Variants in SRFBP1 observed in about 807,000 individuals in gnomAD.
SRFBP1 encodes serum response factor-binding protein 1.
A neutral mutation model predicts 45.5 loss-of-function variants in SRFBP1; 47 were observed. The ratio of observed to expected loss-of-function variants is 1.03; its 90% CI spans 0.82 to 1.32. The LOEUF (loss-of-function observed/expected upper bound fraction) is 1.32, where lower values mean the gene tolerates loss of function less well. SRFBP1 is among the 40% of genes most tolerant of loss of function. The pLI, the probability that SRFBP1 is intolerant of heterozygous loss-of-function variation, is 0.00. For missense variants in SRFBP1, 621 were observed against 484.6 expected, an observed-to-expected ratio of 1.28 and a Z score of -2.64; for synonymous variants, 203 against 166.3, an observed-to-expected ratio of 1.22 and a Z score of -1.70.
intron 7 of SRFBP1, among the ~76,000 whole-genome samples, chr5:122,024,053 G>A (rs982184021): frequency 6.6e-6 from 1 of 152,198 alleles, no homozygotes; most frequent in African/African-American, 2.4e-5. Flanking sequence ...TAGACTTACA[G>A]GTTACTGTTT....
intron 4 of SRFBP1, among the ~76,000 whole-genome samples, chr5:122,012,502 G>A (rs1205032810): frequency 1.3e-5 from 2 of 151,976 alleles, no homozygotes; most frequent in African/African-American, 4.8e-5. Context: ...ATGTTAATAA[G>A]TTTTTCATTT....
At chr5:122,015,542 A>G (rs1753178853) in intron 4 of SRFBP1, among the ~76,000 whole-genome samples, 2 of 152,222 alleles carry the variant, frequency 1.3e-5, no homozygotes, top group African/African-American at 2.4e-5. Flanking sequence ...TGTCACAACT[A>G]CTTCGCTTTA....
At chr5:122,075,279 T>A in intron 2 of SRFBP1, 3 of 857,620 alleles carry the variant, frequency 3.5e-6, no homozygotes, top group Non-Finnish European at 5.3e-6. Flanking sequence ...TAGAGAAAAA[T>A]TCTAAATATA....
chr5:121,971,986 G>A (rs748720116), intron 1 of SRFBP1, among the ~76,000 whole-genome samples: 2 of 151,878 alleles, frequency 1.3e-5, no homozygotes, highest in Non-Finnish European at 2.9e-5. Flanking sequence ...GAGTTTGGAC[G>A]TCTCTTTCTA....
downstream of SRFBP1, chr5:122,028,637 T>A (rs1161272480): frequency 6.6e-6 from 1 of 151,834 alleles, no homozygotes; most frequent in African/African-American, 2.4e-5. Flanking sequence ...AATAGAATAA[T>A]GGAATTCAAG....
chr5:121,962,940 G>A (rs953577068), intron 1 of SRFBP1, among the ~76,000 whole-genome samples: 4 of 152,308 alleles, frequency 2.6e-5, no homozygotes, highest in South Asian at 4.1e-4. Flanking sequence ...TCAAGTAAGA[G>A]AGCTAAGCAA....
intron 4 of SRFBP1, 25 bp from the exon 5 acceptor site, chr5:122,019,235 G>C: frequency 6.3e-7 from 1 of 1,584,188 alleles, no homozygotes; most frequent in Non-Finnish European, 8.7e-7. Context: ...ATTCCCATAC[G>C]TTTATTATAT....
chr5:121,988,040 A>G (rs1157175032), intron 3 of SRFBP1, among the ~76,000 whole-genome samples: 1 of 152,226 alleles, frequency 6.6e-6, no homozygotes, highest in African/African-American at 2.4e-5. Flanking sequence ...GTGTAAAAGC[A>G]AAAAGTGGCA....
chr5:121,990,542 A>C (rs1752598871), intron 3 of SRFBP1, among the ~76,000 whole-genome samples: 1 of 152,146 alleles, frequency 6.6e-6, no homozygotes, highest in African/African-American at 2.4e-5. Flanking sequence ...CCCATGTAAC[A>C]AATCTGTACA....
chr5:122,018,825 T>G (rs115711503), intron 4 of SRFBP1, among the ~76,000 whole-genome samples: 100 of 152,296 alleles, frequency 6.6e-4, no homozygotes, highest in African/African-American at 2.4e-3. Context: ...AATTTCTAGG[T>G]CTCTGTTAAA....
downstream of SRFBP1, chr5:122,076,887 C>A: frequency 2.5e-6 from 4 of 1,613,836 alleles, no homozygotes; most frequent in Non-Finnish European, 3.4e-6. Context: ...ACATATCAGC[C>A]CGTACCTGGC....
At chr5:121,983,628 T>A (rs1429250700) in intron 3 of SRFBP1, among the ~76,000 whole-genome samples, 1 of 151,812 alleles carries the variant, frequency 6.6e-6, no homozygotes, top group Admixed American at 6.6e-5. Context: ...ACAAGTTTTT[T>A]AAGCTTTTGT....
intron 4 of SRFBP1, among the ~76,000 whole-genome samples, chr5:121,997,980 C>T (rs1209728788): frequency 6.6e-6 from 1 of 151,484 alleles, no homozygotes; most frequent in African/African-American, 2.4e-5. Flanking sequence ...CATCTCACAC[C>T]AGTTAGAATG....
chr5:121,971,876 CT>C (rs1440445629), intron 1 of SRFBP1, among the ~76,000 whole-genome samples: 3 of 151,876 alleles, frequency 2.0e-5, no homozygotes, highest in Non-Finnish European at 4.4e-5. Context: ...ATTTCAGGGG[CT>C]TTTTTGGAAT....
chr5:122,048,841 T>C (rs1417756551), intron 2 of SRFBP1, among the ~76,000 whole-genome samples: 1 of 152,192 alleles, frequency 6.6e-6, no homozygotes, highest in Non-Finnish European at 1.5e-5. Context: ...GTAGAGGTGT[T>C]TATAGTATTC....
At chr5:121,987,637 C>G (rs1192004667) in intron 3 of SRFBP1, among the ~76,000 whole-genome samples, 1 of 152,120 alleles carries the variant, frequency 6.6e-6, no homozygotes, top group East Asian at 1.9e-4. Flanking sequence ...TTGGCACCTT[C>G]TAATTTTTTG....
chr5:122,077,260 G>A, downstream of SRFBP1: 2 of 1,559,932 alleles, frequency 1.3e-6, no homozygotes, highest in Non-Finnish European at 8.7e-7. The surrounding 1 kb of genome is among the most constrained non-coding windows in gnomAD (Gnocchi z 4.9). Context: ...GATCTGCGAG[G>A]ACCGGGGCCC....
chr5:122,001,504 G>A (rs1398384232), intron 4 of SRFBP1, among the ~76,000 whole-genome samples: 2 of 148,882 alleles, frequency 1.3e-5, no homozygotes, highest in African/African-American at 2.5e-5. Context: ...CTACTGTGGG[G>A]ATTGGGGCTG....
At chr5:122,011,723 GT>G (rs915553913) in intron 4 of SRFBP1, among the ~76,000 whole-genome samples, 3 of 152,108 alleles carry the variant, frequency 2.0e-5, no homozygotes, top group Non-Finnish European at 2.9e-5. Context: ...AATAATAAGA[GT>G]TCAGTAAATA....
Sources: gnomAD v4.1 joint callset for allele counts (sites outside exome capture counted in the v4.1 genomes callset) on GRCh38, gnomAD v4.1.1 for gene constraint, Gnocchi (gnomAD v3.1) non-coding constraint, MANE v1.5 for transcripts, NCBI Gene and HGNC (gene_info 2026-07-23, HGNC 2026-07-21) for gene names.